The following SUCLA2 variants were observed in gnomAD, a reference collection of about 807,000 sequenced individuals.
SUCLA2 encodes succinate--CoA ligase [ADP-forming] subunit beta, mitochondrial.
Under a neutral mutation model 54.8 loss-of-function variants are expected in SUCLA2, and 30 were observed. The observed-to-expected ratio is 0.55, with a 90% CI of 0.41 to 0.74. SUCLA2 has a LOEUF of 0.74. Among genes scored for constraint, SUCLA2 ranks in the 30% least tolerant of loss-of-function variants. The pLI, the probability that SUCLA2 is intolerant of heterozygous loss-of-function variation, is 0.00. For missense variants in SUCLA2, 476 were observed against 562.9 expected, an observed-to-expected ratio of 0.85 and a Z score of 1.56; for synonymous variants, 172 against 188.9, an observed-to-expected ratio of 0.91 and a Z score of 0.74.
intron 4 of SUCLA2, among the ~76,000 whole-genome samples, chr13:47,986,390 T>C (rs1265538211): frequency 6.6e-6 from 1 of 152,168 alleles, no homozygotes; most frequent in East Asian, 1.9e-4. Context: ...ATGGGGTTGT[T>C]TGCTTTTTTT....
intron 2 of SUCLA2, among the ~76,000 whole-genome samples, chr13:47,995,118 G>A (rs184846694): frequency 1.9e-4 from 29 of 152,290 alleles, no homozygotes; most frequent in African/African-American, 6.3e-4. Context: ...CTACTCAGAG[G>A]CCTAAGTAGG....
chr13:47,951,330 G>C (rs9534881), intron 8 of SUCLA2, among the ~76,000 whole-genome samples: 5 of 124,250 alleles, frequency 4.0e-5, no homozygotes, highest in African/African-American at 1.0e-4. Flanking sequence ...CCGCTCCCAA[G>C]AAAAAGCCTC....
At chr13:47,950,142 A>G (rs1319784483) in intron 8 of SUCLA2, among the ~76,000 whole-genome samples, 1 of 152,214 alleles carries the variant, frequency 6.6e-6, no homozygotes, top group Non-Finnish European at 1.5e-5. Flanking sequence ...AACCCTTATA[A>G]AGAAACAATG....
At position 48,001,236 on chromosome 13, in the gene SUCLA2, C is replaced by A; in HGVS notation, c.34G>T (p.Ala12Ser). 6.2e-7 allele frequency: 1 copy of A among 1,605,716 alleles called. No individual in the cohort carries two copies. The highest frequency in any genetic ancestry group is 8.5e-7 in the Non-Finnish European group (1 of 1,177,280). ...AASMFYGRLV[A>S]VATLRNHRPR... ...CGGTGGTTCCGAAGGGTGGCCACGG[C>A]CACTAGCCTGCCGTAGAACATGGAG... Residue 12 changes from alanine to serine, a missense_variant, in exon 1 of 11, where the codon GCC (alanine) becomes TCC (serine). By Grantham distance (99) the Ala-to-Ser change is moderately conservative (BLOSUM62 1). Transcript: ENST00000646932.
At chr13:47,949,461 G>A in intron 9 of SUCLA2, 22 bp downstream of exon 9, 1 of 1,612,906 alleles carries the variant, frequency 6.2e-7, no homozygotes. Flanking sequence ...AGGAACAACT[G>A]CAAGATACCT....
intron 4 of SUCLA2, among the ~76,000 whole-genome samples, chr13:47,981,791 C>G (rs1055546179): frequency 6.6e-6 from 1 of 151,776 alleles, no homozygotes; most frequent in South Asian, 2.1e-4. Flanking sequence ...CCAGCCTGGG[C>G]AACAGAACGA....
chr13:47,974,578 C>T (rs1318835245), intron 4 of SUCLA2, among the ~76,000 whole-genome samples: 1 of 151,602 alleles, frequency 6.6e-6, no homozygotes, highest in Non-Finnish European at 1.5e-5. Context: ...AGAGAAAGAC[C>T]CTGTCTCAAA....
At position 47,943,354 on chromosome 13, in the gene SUCLA2, T is replaced by C; in HGVS notation, c.*17A>G. ...ATAGCACATTTAACACCTTCAGCCATCCACTGGGTTTTCAGATCATATTGG... is the reference window on the plus strand; with the variant it reads ...ATAGCACATTTAACACCTTCAGCCACCCACTGGGTTTTCAGATCATATTGG... On this transcript the variant is annotated 3_prime_UTR_variant, in exon 11 of 11. Coordinates refer to ENST00000646932, the MANE Select transcript of SUCLA2 (RefSeq NM_003850.3). 6.2e-7 allele frequency: 1 copy of C among 1,611,888 alleles called. No homozygotes were observed. The highest frequency in any genetic ancestry group is 1.1e-5 in the South Asian group (1 of 91,024).
At chr13:47,950,030 T>A (rs1479207394) in intron 8 of SUCLA2, among the ~76,000 whole-genome samples, 1 of 152,160 alleles carries the variant, frequency 6.6e-6, no homozygotes, top group East Asian at 1.9e-4. Flanking sequence ...GTGGCAAGAG[T>A]AACACCATCC....
intron 4 of SUCLA2, among the ~76,000 whole-genome samples, chr13:47,974,427 A>C (rs1252088846): frequency 6.6e-6 from 1 of 152,146 alleles, no homozygotes; most frequent in African/African-American, 2.4e-5. Flanking sequence ...TCTACAAAAA[A>C]TACAAATAAA....
intron 6 of SUCLA2, among the ~76,000 whole-genome samples, chr13:47,967,658 T>A (rs983215325): frequency 1.4e-5 from 2 of 148,108 alleles, no homozygotes; most frequent in Admixed American, 1.4e-4. Context: ...GTGGCCAACA[T>A]GGTGAAACCT....
At chr13:47,999,743 T>C (rs1251939067) in intron 1 of SUCLA2, among the ~76,000 whole-genome samples, 2 of 151,618 alleles carry the variant, frequency 1.3e-5, no homozygotes, top group Non-Finnish European at 2.9e-5. Flanking sequence ...AACAAATTGC[T>C]AAATTAAATG....
At chr13:47,997,135 C>T (rs1440991403) in intron 1 of SUCLA2, 112 bp from the exon 2 acceptor site, 4 of 1,123,076 alleles carry the variant, frequency 3.6e-6, no homozygotes, top group South Asian at 1.3e-5. Flanking sequence ...TAGCAAAGTA[C>T]AATATTCAGA....
At position 47,968,577 on chromosome 13, in the gene SUCLA2, CA is replaced by C; in HGVS notation, c.802+17del. The C allele has an allele frequency of 6.2e-7, 1 of 1,610,906 alleles. No homozygotes were observed. Among genetic ancestry groups the C allele is most frequent in the Non-Finnish European group, 8.5e-7 (1 of 1,179,432 alleles). ...GAAATAAATGCATAATCATGTTAGA[CA>C]AAAGAAGATACTTTACCAGCTCCAT... On this transcript the variant is annotated intron_variant, in intron 6 of 10. Transcript: ENST00000646932.
At chr13:47,961,620 T>C (rs1256677981) in intron 6 of SUCLA2, among the ~76,000 whole-genome samples, 1 of 152,206 alleles carries the variant, frequency 6.6e-6, no homozygotes, top group Non-Finnish European at 1.5e-5. Flanking sequence ...CATTATCAAA[T>C]GTGAGGTAGT....
At chr13:47,998,190 T>A (rs900107475) in intron 1 of SUCLA2, among the ~76,000 whole-genome samples, 3 of 151,664 alleles carry the variant, frequency 2.0e-5, no homozygotes, top group Non-Finnish European at 4.4e-5. Flanking sequence ...GGCAGGAGGA[T>A]CCCTTCAGCT....
rs751306811 is a variant in SUCLA2 at position 47,973,261 on chromosome 13, T to C, written c.663+3A>G. The C allele has an allele frequency of 6.2e-7, 1 of 1,611,900 alleles. No individual in the cohort carries two copies. On this transcript the variant is annotated splice_donor_region_variant and intron_variant, in intron 5 of 10. Coordinates refer to ENST00000646932, the MANE Select transcript of SUCLA2 (RefSeq NM_003850.3). ...CTAGAAATTTTTCAGGAATACAACA[T>C]ACCTGGAGAGCTTGTTCCTTTTTGA...
chr13:47,947,924 T>C (rs866059480), intron 10 of SUCLA2, among the ~76,000 whole-genome samples: 1 of 152,190 alleles, frequency 6.6e-6, no homozygotes, highest in African/African-American at 2.4e-5. Flanking sequence ...AGAAACTTAC[T>C]GACATATTAA....
chr13:47,956,077 G>C (rs1949818681), intron 6 of SUCLA2, among the ~76,000 whole-genome samples: 1 of 151,986 alleles, frequency 6.6e-6, no homozygotes, highest in African/African-American at 2.4e-5. Flanking sequence ...CACTAGTAAA[G>C]AGAAGAAACA....
Sources: gnomAD v4.1 joint callset for allele counts (sites outside exome capture counted in the v4.1 genomes callset) on GRCh38, gnomAD v4.1.1 for gene constraint, MANE v1.5 for transcripts, NCBI Gene and HGNC (gene_info 2026-07-23, HGNC 2026-07-21) for gene names.